RBFOX1: variants seen among roughly 807,000 people sequenced by gnomAD.
RBFOX1 encodes RNA binding fox-1 homolog 1.
RBFOX1 carries 8 observed loss-of-function variants against 57.7 expected under a neutral mutation model. That is an observed-to-expected ratio of 0.14 (90% CI 0.08 to 0.25). The LOEUF (loss-of-function observed/expected upper bound fraction) is 0.25. Ranked by LOEUF, RBFOX1 falls within the 10% of genes least tolerant of loss-of-function variation. The pLI is 1.00. For synonymous variants in RBFOX1, 326 were observed against 222.4 expected (o/e 1.47, Z -4.15); for missense variants, 611 against 548.5 (o/e 1.11, Z -1.14).
In RBFOX1 at chr16:7,335,916, G is replaced by T. The variant is rs115213782; in HGVS notation, c.28-182231G>T. ...TGACAGAATGACTATGGAGAATTCA[G>T]CTGAACCTGTCTGGACTGTCTCATG... On this transcript the variant is annotated intron_variant, in intron 4 of 15. Transcript: ENST00000550418. 3.2e-3 allele frequency among the ~76,000 whole-genome samples: 484 copies of T among 152,286 alleles called. 4 individuals are homozygous for T. The Middle Eastern group carries it at 0.044, about 14-fold the overall frequency.
intron 4 of RBFOX1, among the ~76,000 whole-genome samples, chr16:7,141,312 A>G (rs149500791): frequency 2.0e-5 from 3 of 152,304 alleles, no homozygotes; most frequent in Admixed American, 6.5e-5. Flanking sequence ...CACCCACGGA[A>G]TACCAGACAC....
chr16:7,366,530 C>T (rs190928555), intron 4 of RBFOX1, among the ~76,000 whole-genome samples: 11 of 152,186 alleles, frequency 7.2e-5, no homozygotes, highest in African/African-American at 1.7e-4. Flanking sequence ...TGATTTCTGT[C>T]CTTCCTCCCT....
At chr16:7,319,363 G>C (rs1002142856) in intron 4 of RBFOX1, among the ~76,000 whole-genome samples, 1 of 152,178 alleles carries the variant, frequency 6.6e-6, no homozygotes, top group Non-Finnish European at 1.5e-5. Context: ...AGAAAAATTA[G>C]TGCCTAACCA....
rs141724356 is a variant in RBFOX1, at chr16:6,664,574, C to G, written c.-16+9924C>G. Among the ~76,000 whole-genome samples the G allele has an allele frequency of 1.2e-4, 19 of 152,220 alleles. No individual in the cohort carries two copies. In the East Asian group the frequency reaches 3.5e-3, roughly 28 times the overall value. On this transcript the variant is annotated intron_variant, in intron 3 of 15. Transcript: ENST00000550418. Reference sequence around the variant, plus strand: ...TTCTCTGCTGAGAAGCAGGGCTGTGCGAGAGACAGCTGCGCATGTAGCCCA... The same window carrying G: ...TTCTCTGCTGAGAAGCAGGGCTGTGGGAGAGACAGCTGCGCATGTAGCCCA...
intron 2 of RBFOX1, among the ~76,000 whole-genome samples, chr16:6,384,930 T>G (rs987640434): frequency 6.6e-6 from 1 of 152,168 alleles, no homozygotes; most frequent in African/African-American, 2.4e-5. Context: ...CTTAAGAAAC[T>G]TACACCCAGA....
In RBFOX1 at chr16:6,548,823, C is replaced by T. The variant is rs189144097; in HGVS notation, c.-63-105780C>T. 6.6e-5 allele frequency among the ~76,000 whole-genome samples: 10 copies of T among 152,132 alleles called. No individual in the cohort carries two copies. The East Asian group carries it at 2.0e-3, about 30-fold the overall frequency. On this transcript the variant is annotated intron_variant, in intron 2 of 15. Transcript: ENST00000550418. ...GGGTGCAGTGGCTTGCGCCTGTAAT[C>T]CTAGCACTTTGGGAGGCCAAGGTGT...
At chr16:6,896,193 A>C (rs1325855782) in intron 3 of RBFOX1, among the ~76,000 whole-genome samples, 1 of 152,146 alleles carries the variant, frequency 6.6e-6, no homozygotes, top group Non-Finnish European at 1.5e-5. Context: ...GAATCACTTG[A>C]ACCTGGCAGG....
chr16:6,476,516 A>G (rs1432998214), intron 2 of RBFOX1, among the ~76,000 whole-genome samples: 3 of 152,196 alleles, frequency 2.0e-5, no homozygotes, highest in African/African-American at 7.2e-5. Flanking sequence ...CATTGTATCT[A>G]AAAAACGACG....
At chr16:6,947,445 G>A (rs141489195) in intron 3 of RBFOX1, among the ~76,000 whole-genome samples, 25 of 152,278 alleles carry the variant, frequency 1.6e-4, no homozygotes, top group African/African-American at 4.8e-4. Flanking sequence ...TCAACTGGCC[G>A]TATTTCATCC....
intron 4 of RBFOX1, among the ~76,000 whole-genome samples, chr16:7,189,138 C>G (rs567248061): frequency 6.6e-5 from 10 of 151,866 alleles, no homozygotes; most frequent in Non-Finnish European, 1.5e-4. Flanking sequence ...AGAAAGGAAT[C>G]CTCAGGGCTG....
intron 3 of RBFOX1, among the ~76,000 whole-genome samples, chr16:7,051,062 AAAAGTTTC>A (rs1406548336): frequency 1.3e-5 from 2 of 152,310 alleles, no homozygotes; most frequent in East Asian, 3.9e-4. Flanking sequence ...ATCCCTTAGT[AAAAGTTTC>A]AAAAACTTAC....
chr16:7,285,824 A>T (rs2095640307), intron 4 of RBFOX1, among the ~76,000 whole-genome samples: 1 of 152,216 alleles, frequency 6.6e-6, no homozygotes, highest in Non-Finnish European at 1.5e-5. Flanking sequence ...AGCTCTTATA[A>T]ATAAAACTGT....
chr16:7,005,898 C>A (rs1292384043), intron 3 of RBFOX1, among the ~76,000 whole-genome samples: 2 of 152,168 alleles, frequency 1.3e-5, no homozygotes, highest in East Asian at 3.9e-4. Context: ...ATGAAGATAC[C>A]CAGTGATATA....
rs1465084401 is a variant in RBFOX1 at position 5,893,638 on chromosome 16, C to G, written c.351+26303C>G. Among the ~76,000 whole-genome samples the G allele has an allele frequency of 6.6e-5, 10 of 152,206 alleles. No individual in the cohort carries two copies. The East Asian group carries it at 1.7e-3, about 27-fold the overall frequency. On this transcript the variant is annotated intron_variant, in intron 4 of 19. Coordinates refer to the RBFOX1 transcript ENST00000641259. ...CCTGGCCAACGTGGCAAAACCCCGTCTCCACTAAAAATAAAAAATTAGCTG... is the reference window on the plus strand; with the variant it reads ...CCTGGCCAACGTGGCAAAACCCCGTGTCCACTAAAAATAAAAAATTAGCTG...
chr16:5,910,076 A>G (rs1050321653), intron 4 of RBFOX1, among the ~76,000 whole-genome samples: 29 of 148,898 alleles, frequency 1.9e-4, no homozygotes, highest in Admixed American at 6.6e-4. Context: ...AAAACAAAAA[A>G]AAAAGAAAAA....
chr16:5,609,232 T>A (rs1486287022), intron 3 of RBFOX1, among the ~76,000 whole-genome samples: 2 of 152,234 alleles, frequency 1.3e-5, no homozygotes, highest in Non-Finnish European at 2.9e-5. Flanking sequence ...TTTTAAGTTA[T>A]GTATTCATTA....
intron 2 of RBFOX1, among the ~76,000 whole-genome samples, chr16:6,462,297 T>G (rs1160079262): frequency 6.6e-6 from 1 of 152,204 alleles, no homozygotes. Context: ...TATGGTCCCC[T>G]TTGCTGATAC....
intron 2 of RBFOX1, among the ~76,000 whole-genome samples, chr16:6,333,710 T>C (rs2083308614): frequency 6.6e-6 from 1 of 152,240 alleles, no homozygotes; most frequent in African/African-American, 2.4e-5. Flanking sequence ...TTTAAGTTTT[T>C]AGATCACAGA....
chr16:6,966,777 ATCTATCTATCTATCTGTCTG>A (rs905072712), intron 3 of RBFOX1, among the ~76,000 whole-genome samples: 28 of 24,640 alleles, frequency 1.1e-3, no homozygotes, highest in Non-Finnish European at 5.9e-4. Flanking sequence ...CTATCTATCT[ATCTATCTATCTATCTGTCTG>A]TCTGTCTGTC....
Sources: allele counts gnomAD v4.1 joint callset (sites outside exome capture counted in the v4.1 genomes callset), GRCh38; gene constraint gnomAD v4.1.1; transcripts MANE v1.5; gene names NCBI Gene and HGNC (gene_info 2026-07-23, HGNC 2026-07-21).